Variants in GLRB observed in about 807,000 individuals in gnomAD.
GLRB encodes the protein glycine receptor beta.
A neutral mutation model predicts 54.2 loss-of-function variants in GLRB; 33 were observed. The observed-to-expected ratio is 0.61, with a 90% CI of 0.46 to 0.81. The LOEUF (loss-of-function observed/expected upper bound fraction) is 0.81. Ranked by LOEUF, GLRB falls within the 40% of genes least tolerant of loss-of-function variation. The pLI is 0.00. For missense variants in GLRB, 572 were observed against 584.6 expected, an observed-to-expected ratio of 0.98 and a Z score of 0.22; for synonymous variants, 209 against 208.2, an observed-to-expected ratio of 1.00 and a Z score of -0.03.
At chr4:157,100,219 T>C (rs2126478332) in intron 2 of GLRB, among the ~76,000 whole-genome samples, 1 of 152,326 alleles carries the variant, frequency 6.6e-6, no homozygotes, top group East Asian at 1.9e-4. Flanking sequence ...TCAGTTTATT[T>C]TGATTATTTT....
In GLRB at chr4:157,170,704, T is replaced by C. The variant is rs757115882; in HGVS notation, c.1470T>C (p.Val490=). 6.4e-7 allele frequency: 1 copy of C among 1,569,510 alleles called. No individual in the cohort carries two copies. Among genetic ancestry groups the C allele is most frequent in the South Asian group, 1.1e-5 (1 of 87,420 alleles). Reference sequence around the variant, plus strand: ...CTTTCTGCTTCTTGTTCTTCAATGTTATATATTGGTCTATATATTTATGAT... The same window carrying C: ...CTTTCTGCTTCTTGTTCTTCAATGTCATATATTGGTCTATATATTTATGAT... ...LFPFCFLFFN[V]IYWSIYL is the part of the protein sequence containing the mutation. Residue 490 remains valine (V), a synonymous_variant, in exon 10 of 10, where the codon GTT becomes GTC. Coordinates refer to ENST00000264428, the MANE Select transcript of GLRB (RefSeq NM_000824.5).
intron 7 of GLRB, among the ~76,000 whole-genome samples, chr4:157,141,763 A>G (rs1736625454): frequency 6.6e-6 from 1 of 152,074 alleles, no homozygotes; most frequent in Non-Finnish European, 1.5e-5. Context: ...TCACTATAAT[A>G]TCCAAGCATG....
At chr4:157,168,030 C>T (rs1029379645) in intron 9 of GLRB, among the ~76,000 whole-genome samples, 1 of 152,156 alleles carries the variant, frequency 6.6e-6, no homozygotes, top group Non-Finnish European at 1.5e-5. Context: ...ACACCTCCCA[C>T]TAGGCCCCAC....
chr4:157,152,004 AAG>A (rs1298901939), intron 8 of GLRB, among the ~76,000 whole-genome samples: 1 of 152,190 alleles, frequency 6.6e-6, no homozygotes, highest in African/African-American at 2.4e-5. Flanking sequence ...GGAAAGGAAA[AAG>A]AGAGAGGAAT....
chr4:157,160,922 G>A (rs1737459962), intron 9 of GLRB, among the ~76,000 whole-genome samples: 1 of 152,092 alleles, frequency 6.6e-6, no homozygotes, highest in Non-Finnish European at 1.5e-5. Flanking sequence ...GTCTAATGTT[G>A]ACAGTGGGGT....
chr4:157,125,751 C>G (rs75851406), intron 4 of GLRB, among the ~76,000 whole-genome samples: 6,088 of 151,648 alleles, frequency 0.04, 232 homozygotes, highest in African/African-American at 0.1. Flanking sequence ...CTGGCCGACA[C>G]TGTGAACCCC....
chr4:157,095,218 G>A (rs1258669301), intron 2 of GLRB, among the ~76,000 whole-genome samples: 1 of 149,536 alleles, frequency 6.7e-6, no homozygotes, highest in African/African-American at 2.5e-5. Flanking sequence ...AAGAGTGATA[G>A]ATATGAGGTC....
At chr4:157,100,014 C>A (rs1264590741) in intron 2 of GLRB, among the ~76,000 whole-genome samples, 1 of 152,040 alleles carries the variant, frequency 6.6e-6, no homozygotes, top group East Asian at 1.9e-4. Flanking sequence ...AACATGTAGG[C>A]GTTCTTTATA....
At chr4:157,076,607 G>A (rs1472092717) in intron 1 of GLRB, 1 of 152,238 alleles carries the variant, frequency 6.6e-6, no homozygotes, top group Non-Finnish European at 1.5e-5. Flanking sequence ...GCGTTGTTTT[G>A]TTTATGAGGA....
rs77631342 is a variant in GLRB at position 157,137,483 on chromosome 4, CA to C, written c.610+608del. 5.8e-3 allele frequency among the ~76,000 whole-genome samples: 830 copies of C among 142,246 alleles called. 8 individuals carry two copies. The highest frequency in any genetic ancestry group is 0.018 in the African/African-American group (691 of 39,140). 93.3% of individuals were successfully genotyped at this position (142,246 alleles called of 152,430 possible). A position where few individuals can be genotyped will look rare whatever the true frequency, so the allele number is the denominator to read the frequency against. On this transcript the variant is annotated intron_variant, in intron 6 of 9. Transcript: ENST00000264428. ...GAAAATAAAAGTAGAACATAAACCT[CA>C]AAAAAAAAAACACAAATGCAAGGAA... is the stretch of plus-strand genomic sequence containing the variant.
At chr4:157,168,846 C>G (rs1056959541) in intron 9 of GLRB, among the ~76,000 whole-genome samples, 37 of 152,168 alleles carry the variant, frequency 2.4e-4, no homozygotes, top group African/African-American at 8.9e-4. Context: ...AATATATGCT[C>G]ATAATTAGAG....
At chr4:157,103,040 A>G (rs1180429200) in intron 2 of GLRB, among the ~76,000 whole-genome samples, 1 of 151,906 alleles carries the variant, frequency 6.6e-6, no homozygotes, top group African/African-American at 2.4e-5. Context: ...AGTCCCGGCT[A>G]CTCAGGAGGC....
chr4:157,161,779 C>G (rs1260399863), intron 9 of GLRB, among the ~76,000 whole-genome samples: 1 of 152,150 alleles, frequency 6.6e-6, no homozygotes, highest in Non-Finnish European at 1.5e-5. Context: ...TCCTTCATTT[C>G]AACTTTAGTG....
chr4:157,123,162 C>T (rs1397544003), intron 4 of GLRB, among the ~76,000 whole-genome samples: 1 of 151,720 alleles, frequency 6.6e-6, no homozygotes, highest in Non-Finnish European at 1.5e-5. Context: ...TGACAAACCA[C>T]ATGGTGAAAT....
chr4:157,089,692 T>A (rs537181120), intron 2 of GLRB, among the ~76,000 whole-genome samples: 1 of 152,290 alleles, frequency 6.6e-6, no homozygotes, highest in Non-Finnish European at 1.5e-5. Flanking sequence ...TTTAGCTTCT[T>A]GCTTATCAAT....
chr4:157,089,833 A>G (rs1239067577), intron 2 of GLRB, among the ~76,000 whole-genome samples: 1 of 152,154 alleles, frequency 6.6e-6, no homozygotes, highest in Non-Finnish European at 1.5e-5. Flanking sequence ...CATACCCAAC[A>G]TATTAAACTG....
At position 157,167,226 on chromosome 4, in the gene GLRB, G is replaced by A. The variant is rs1258322301; in HGVS notation, c.1198-3206G>A. 4.6e-5 allele frequency among the ~76,000 whole-genome samples: 7 copies of A among 152,252 alleles called. No homozygotes were observed. In the East Asian group the frequency reaches 1.4e-3, roughly 29 times the overall value. Reference sequence around the variant, plus strand: ...AGAAAGAGCAACTATGATACACATAGAATCCTTGATTTTAAAGATTTCTCT... The same window carrying A: ...AGAAAGAGCAACTATGATACACATAAAATCCTTGATTTTAAAGATTTCTCT... On this transcript the variant is annotated intron_variant, in intron 9 of 9. Transcript: ENST00000264428.
intron 4 of GLRB, among the ~76,000 whole-genome samples, chr4:157,132,770 T>A (rs1736264093): frequency 6.6e-6 from 1 of 151,936 alleles, no homozygotes; most frequent in African/African-American, 2.4e-5. Context: ...AAGGAATGAA[T>A]GATTGTTTAA....
intron 4 of GLRB, 29 bp from the exon 5 acceptor site, chr4:157,136,440 A>C (rs765777601): frequency 1.8e-5 from 21 of 1,199,350 alleles, no homozygotes; most frequent in Non-Finnish European, 2.6e-5. Context: ...ATAAACATAC[A>C]CATGTGCACG....
Sources: gnomAD v4.1 joint callset for allele counts (sites outside exome capture counted in the v4.1 genomes callset) on GRCh38, gnomAD v4.1.1 for gene constraint, MANE v1.5 for transcripts, NCBI Gene and HGNC (gene_info 2026-07-23, HGNC 2026-07-21) for gene names.